The following MYO5C variants were observed in gnomAD, a reference collection of about 807,000 sequenced individuals.
MYO5C encodes unconventional myosin-Vc.
In MYO5C, 194 loss-of-function variants were observed where a neutral mutation model predicts 235.7. The ratio of observed to expected loss-of-function variants is 0.82; its 90% CI spans 0.73 to 0.93. The LOEUF (loss-of-function observed/expected upper bound fraction) is 0.93, where lower values mean the gene tolerates loss of function less well. Among genes scored for constraint, MYO5C ranks in the 40% least tolerant of loss-of-function variants. The pLI is 0.00. For synonymous variants in MYO5C, 707 were observed against 754.8 expected (o/e 0.94, Z 1.04); for missense variants, 2,038 against 2,127.2 (o/e 0.96, Z 0.82).
chr15:52,200,023 C>T (rs1454943530), intron 38 of MYO5C, among the ~76,000 whole-genome samples: 2 of 152,154 alleles, frequency 1.3e-5, no homozygotes, highest in African/African-American at 4.8e-5. Context: ...TCCCTGAGCC[C>T]ACGCATGAAT....
intron 4 of MYO5C, among the ~76,000 whole-genome samples, chr15:52,276,237 G>A (rs2037048068): frequency 6.6e-6 from 1 of 152,124 alleles, no homozygotes; most frequent in Admixed American, 6.5e-5. Context: ...TCAGCATATA[G>A]TCATCCTCAC....
intron 7 of MYO5C, 107 bp downstream of exon 7, chr15:52,271,656 C>A: frequency 1.6e-6 from 1 of 622,174 alleles, no homozygotes; most frequent in South Asian, 4.1e-5. Context: ...AATCTTGTAT[C>A]TTTGGGCAAA....
chr15:52,251,316 C>G, intron 13 of MYO5C, 74 bp downstream of exon 13: 1 of 1,410,084 alleles, frequency 7.1e-7, no homozygotes, highest in Non-Finnish European at 9.5e-7. Flanking sequence ...CAGAAACATT[C>G]CTGGCCTGCC....
chr15:52,245,842 C>G, intron 17 of MYO5C, 114 bp downstream of exon 17: 1 of 919,670 alleles, frequency 1.1e-6, no homozygotes, highest in South Asian at 1.5e-5. Flanking sequence ...ATCTTGGGGG[C>G]ACTTTACAGA....
In MYO5C at chr15:52,211,730, C is replaced by T; in HGVS notation, c.4296G>A (p.Lys1432=). The change falls in exon 35 of 41, where the codon AAG becomes AAA. Residue 1432 remains lysine (K), a splice_region_variant and synonymous_variant. Coordinates refer to ENST00000261839, the MANE Select transcript of MYO5C (RefSeq NM_018728.4). ...GGCCAATGTCAAAGGCATTTCCTAC[C>T]TTAACCACCTGCTTGATGCCATTAA... ...STINGIKQVV[K]EHLEDFEMLS... is the part of the protein sequence containing the mutation. The T allele has an allele frequency of 6.2e-7, 1 of 1,613,350 alleles. No individual in the cohort carries two copies.
In MYO5C at chr15:52,258,374, C is replaced by T. The variant is rs77901911; in HGVS notation, c.1314-1654G>A. Among the ~76,000 whole-genome samples the T allele has an allele frequency of 3.0e-3, 454 of 152,294 alleles. 7 individuals carry two copies. In the East Asian group the frequency reaches 0.04, roughly 14 times the overall value. On this transcript the variant is annotated intron_variant, in intron 10 of 40. Coordinates refer to ENST00000261839, the MANE Select transcript of MYO5C (RefSeq NM_018728.4). ...AGGTTCTGTGACTTTCTTGAGGTCA[C>T]GTAACTGGTATGCTACGGAGCTCAT...
chr15:52,277,866 C>A (rs2037085437), intron 4 of MYO5C: 3 of 455,870 alleles, frequency 6.6e-6, no homozygotes, highest in Non-Finnish European at 8.8e-6. Context: ...CCACCTGCTC[C>A]CTCATTATAA....
Position 52,278,807 on chromosome 15 carries a change from T to C in MYO5C, c.449+66A>G. The C allele has an allele frequency of 3.8e-6, 6 of 1,585,926 alleles. No individual in the cohort carries two copies. The Admixed American group carries it at 1.0e-4, about 27-fold the overall frequency. Reference sequence around the variant, plus strand: ...CAACCTAGATATCTCCCCTCCACTGTGATGGTCTGGCAAATGCAGGGAGCA... The same window carrying C: ...CAACCTAGATATCTCCCCTCCACTGCGATGGTCTGGCAAATGCAGGGAGCA... On this transcript the variant is annotated intron_variant, in intron 4 of 40. Transcript: ENST00000261839.
At chr15:52,280,904 C>CGCAA (rs1039770313) in intron 2 of MYO5C, among the ~76,000 whole-genome samples, 47 of 152,300 alleles carry the variant, frequency 3.1e-4, no homozygotes, top group African/African-American at 1.1e-3. Flanking sequence ...GGGGGTTTTG[C>CGCAA]TGGCTGGTTG....
rs1329966076 is a variant in MYO5C at position 52,233,268 on chromosome 15, G to C, written c.2963-583C>G. On this transcript the variant is annotated intron_variant, in intron 23 of 40. Transcript: ENST00000261839. ...CACTCCAGCCTGGGCGACAGAGCGA[G>C]ACTCCGTCTCAAAAAAAAAAAAAAA... is the stretch of plus-strand genomic sequence containing the variant. Among the ~76,000 whole-genome samples, 5 of 120,038 alleles carry C rather than the reference G, an allele frequency of 4.2e-5. 1 individual carries two copies. Among genetic ancestry groups the C allele is most frequent in the African/African-American group, 1.7e-4 (5 of 29,768 alleles). 78.7% of individuals were successfully genotyped at this position (120,038 alleles called of 152,430 possible).
rs750725651 is a variant in MYO5C, at chr15:52,195,363, C to A, written c.5076+14G>T. Reference sequence around the variant, plus strand: ...AGGAAGTAAAATTAAAAGGCACATCCTTAAGAATCTCACCTGTACTTTGCG... The same window carrying A: ...AGGAAGTAAAATTAAAAGGCACATCATTAAGAATCTCACCTGTACTTTGCG... On this transcript the variant is annotated intron_variant, in intron 40 of 40. Transcript: ENST00000261839. 23 of 1,582,136 alleles carry A rather than the reference C, an allele frequency of 1.5e-5. No individual in the cohort carries two copies. The highest frequency in any genetic ancestry group is 1.9e-5 in the Non-Finnish European group (22 of 1,154,790).
In MYO5C at chr15:52,218,539, G is replaced by T; in HGVS notation, c.3934C>A (p.Arg1312=). ...VKCNFRQEAS[R]LTLENRDLEE... ...CTCACCCTGTTTTCCAAAGTGAGCCGGGATGCTTCCTGCCGGAAGTTACAC... is the reference window on the plus strand; with the variant it reads ...CTCACCCTGTTTTCCAAAGTGAGCCTGGATGCTTCCTGCCGGAAGTTACAC... The change falls in exon 32 of 41, where the codon CGG becomes AGG. Residue 1312 remains arginine, a synonymous_variant. Coordinates refer to ENST00000261839, the MANE Select transcript of MYO5C (RefSeq NM_018728.4). The T allele has an allele frequency of 6.2e-7, 1 of 1,614,172 alleles. No homozygotes were observed. The highest frequency in any genetic ancestry group is 8.5e-7 in the Non-Finnish European group (1 of 1,180,014).
intron 25 of MYO5C, among the ~76,000 whole-genome samples, chr15:52,226,890 G>A (rs1210193393): frequency 6.6e-6 from 1 of 152,164 alleles, no homozygotes; most frequent in Non-Finnish European, 1.5e-5. Flanking sequence ...GCTCACGCCT[G>A]TAATCTCAGC....
In MYO5C at chr15:52,279,569, C is replaced by T. The variant is rs756262731; in HGVS notation, c.244G>A (p.Ala82Thr). The change falls in exon 3 of 41, where the codon GCG (alanine) becomes ACG (threonine). Residue 82 changes from alanine to threonine, a missense_variant. Transcript: ENST00000261839. The stretch of plus-strand genomic sequence containing the variant: ...CGGATTCTGAGGTTGTGGAGCACCG[C>T]GGGCTCGTGAAGATAGCTGAGAGCC... Reference protein sequence around the residue: ...LTALSYLHEPAVLHNLRIRFA... With the variant: ...LTALSYLHEPTVLHNLRIRFA... The T allele has an allele frequency of 1.7e-5, 28 of 1,613,932 alleles. No individual in the cohort carries two copies. Among genetic ancestry groups the T allele is most frequent in the African/African-American group, 5.3e-5 (4 of 74,898 alleles).
At chr15:52,287,321 C>A (rs2037297577) in intron 1 of MYO5C, among the ~76,000 whole-genome samples, 1 of 152,206 alleles carries the variant, frequency 6.6e-6, no homozygotes, top group Non-Finnish European at 1.5e-5. Flanking sequence ...CTGTCTCAGG[C>A]ACACACACCC....
At chr15:52,195,535 G>C in intron 39 of MYO5C, 78 bp from the exon 40 acceptor site, 2 of 917,112 alleles carry the variant, frequency 2.2e-6, no homozygotes, top group Non-Finnish European at 3.2e-6. Context: ...CTGGTTATTG[G>C]GAACCATTGG....
chr15:52,230,390 T>C (rs1032340549), intron 24 of MYO5C, among the ~76,000 whole-genome samples: 1 of 152,118 alleles, frequency 6.6e-6, no homozygotes, highest in Non-Finnish European at 1.5e-5. Flanking sequence ...ATAAATTTGT[T>C]TGATTTCTTT....
rs200344067 is a variant in MYO5C at position 52,193,607 on chromosome 15, CA to C, written c.*294del. 1,360 of 330,584 alleles carry C rather than the reference CA, an allele frequency of 4.1e-3. 29 individuals are homozygous for C. Among genetic ancestry groups the C allele is most frequent in the Admixed American group, 0.027 (507 of 18,882 alleles). 20.5% of individuals were successfully genotyped at this position (330,584 alleles called of 1,614,324 possible). A position where few individuals can be genotyped will look rare whatever the true frequency, so the allele number is the denominator to read the frequency against. ...GGTAGAGCCCTGCCACAAGACAGAA[CA>C]GATCAAGAGGCACGTGGAAGAAAAT... On this transcript the variant is annotated 3_prime_UTR_variant, in exon 41 of 41. Transcript: ENST00000261839.
intron 23 of MYO5C, 43 bp from the exon 24 acceptor site, chr15:52,232,728 A>G (rs758058650): frequency 6.6e-7 from 1 of 1,517,732 alleles, no homozygotes; most frequent in Non-Finnish European, 9.2e-7. Flanking sequence ...TGCCAAATCA[A>G]TGCCTTGATT....
Sources: gnomAD v4.1 joint callset for allele counts (sites outside exome capture counted in the v4.1 genomes callset) on GRCh38, gnomAD v4.1.1 for gene constraint, MANE v1.5 for transcripts, NCBI Gene and HGNC (gene_info 2026-07-23, HGNC 2026-07-21) for gene names.